PID1: variants seen among roughly 807,000 people sequenced by gnomAD.
PID1 encodes phosphotyrosine interaction domain containing 1.
PID1 carries 10 observed loss-of-function variants against 19.1 expected under a neutral mutation model. The ratio of observed to expected loss-of-function variants is 0.52; its 90% CI spans 0.32 to 0.89. The LOEUF is 0.89. Among genes scored for constraint, PID1 ranks in the 40% least tolerant of loss-of-function variants. The pLI, the probability that PID1 is intolerant of heterozygous loss-of-function variation, is 0.03. For missense variants in PID1, 248 were observed against 285.3 expected (o/e 0.87, Z 0.94); for synonymous variants, 130 against 116.0 (o/e 1.12, Z -0.78).
chr2:229,026,937 C>A (rs904632802), intron 2 of PID1, among the ~76,000 whole-genome samples: 2 of 152,076 alleles, frequency 1.3e-5, no homozygotes, highest in Non-Finnish European at 2.9e-5. Flanking sequence ...TTTATTCATT[C>A]CACAAAATGC....
chr2:229,199,174 C>A (rs578169378), intron 1 of PID1, among the ~76,000 whole-genome samples: 1 of 152,162 alleles, frequency 6.6e-6, no homozygotes, highest in South Asian at 2.1e-4. Flanking sequence ...ACCTCCTTAT[C>A]ATCATCCATA....
At chr2:229,082,427 G>A (rs1694686046) in intron 2 of PID1, among the ~76,000 whole-genome samples, 1 of 152,266 alleles carries the variant, frequency 6.6e-6, no homozygotes, top group Non-Finnish European at 1.5e-5. Context: ...GTGAAAGAGA[G>A]TTGCCAGTGT....
rs114801134 is a variant in PID1 at position 229,205,231 on chromosome 2, A to G, written c.31-49267T>C. On this transcript the variant is annotated intron_variant, in intron 1 of 2. Coordinates refer to ENST00000392055, the MANE Select transcript of PID1 (RefSeq NM_001100818.2). ...ACACATGCTACACACACACAATCAC[A>G]CATACATACTACATACACACACATA... Among the ~76,000 whole-genome samples, 560 of 150,104 alleles carry G rather than the reference A, an allele frequency of 3.7e-3. 5 individuals are homozygous for G. The highest frequency in any genetic ancestry group is 0.031 in the Middle Eastern group (9 of 290).
At chr2:229,135,677 C>G (rs955810593) in intron 2 of PID1, among the ~76,000 whole-genome samples, 2 of 152,108 alleles carry the variant, frequency 1.3e-5, no homozygotes, top group African/African-American at 4.8e-5. Context: ...TCCAAAACAG[C>G]GCTGGACTGA....
At chr2:229,211,330 T>G (rs1380542841) in intron 1 of PID1, among the ~76,000 whole-genome samples, 1 of 151,994 alleles carries the variant, frequency 6.6e-6, no homozygotes, top group Non-Finnish European at 1.5e-5. Flanking sequence ...CTTCACTTAC[T>G]TGTTCATTCA....
chr2:229,199,562 C>A (rs1691448102), intron 1 of PID1, among the ~76,000 whole-genome samples: 1 of 151,750 alleles, frequency 6.6e-6, no homozygotes. Flanking sequence ...TAAGAACACA[C>A]ATAAAATAAA....
intron 1 of PID1, among the ~76,000 whole-genome samples, chr2:229,162,371 AT>A (rs1690508471): frequency 6.6e-6 from 1 of 152,230 alleles, no homozygotes; most frequent in South Asian, 2.1e-4. Flanking sequence ...TTGATTTTGT[AT>A]CCAAAATATA....
intron 1 of PID1, among the ~76,000 whole-genome samples, chr2:229,173,351 T>C (rs1040346291): frequency 1.3e-5 from 2 of 152,158 alleles, no homozygotes; most frequent in African/African-American, 4.8e-5. Flanking sequence ...CTACTTTGTG[T>C]TTGGTCTGTT....
intron 1 of PID1, among the ~76,000 whole-genome samples, chr2:229,185,370 T>A (rs539765711): frequency 1.3e-5 from 2 of 152,082 alleles, no homozygotes; most frequent in African/African-American, 4.8e-5. Context: ...TGCACACTGA[T>A]CCCATCCCCT....
rs371185254 is a variant in PID1, at chr2:229,179,529, T to C, written c.31-23565A>G. 2.3e-4 allele frequency among the ~76,000 whole-genome samples: 35 copies of C among 152,302 alleles called. No homozygotes were observed. The South Asian group carries it at 5.4e-3, about 23-fold the overall frequency. ...TCAAAAGTAAGTTTTAAGTAAAAGA[T>C]GCCCTCAAATTTTCATACCATTTAA... On this transcript the variant is annotated intron_variant, in intron 1 of 2. Coordinates refer to ENST00000392055, the MANE Select transcript of PID1 (RefSeq NM_001100818.2).
intron 1 of PID1, among the ~76,000 whole-genome samples, chr2:229,198,629 G>C (rs1024675336): frequency 1.3e-5 from 2 of 151,998 alleles, no homozygotes; most frequent in African/African-American, 4.8e-5. Flanking sequence ...TCCCATCTCA[G>C]TAAATGGTAC....
chr2:229,242,745 G>T (rs1689902677), intron 1 of PID1, among the ~76,000 whole-genome samples: 1 of 152,040 alleles, frequency 6.6e-6, no homozygotes, highest in Non-Finnish European at 1.5e-5. Context: ...TGAGTCATTT[G>T]TTACCTATAA....
intron 1 of PID1, among the ~76,000 whole-genome samples, chr2:229,188,625 G>C (rs1002784976): frequency 6.6e-6 from 1 of 151,900 alleles, no homozygotes; most frequent in Non-Finnish European, 1.5e-5. Flanking sequence ...TGTAATCCCA[G>C]CTACTTGGGA....
At chr2:229,242,834 G>A (rs935469984) in intron 1 of PID1, among the ~76,000 whole-genome samples, 2 of 152,064 alleles carry the variant, frequency 1.3e-5, no homozygotes, top group Non-Finnish European at 2.9e-5. Context: ...CTATAGCCCA[G>A]TTGTGCTTCC....
chr2:229,237,398 C>A (rs546477375), intron 1 of PID1, among the ~76,000 whole-genome samples: 1 of 152,140 alleles, frequency 6.6e-6, no homozygotes, highest in Non-Finnish European at 1.5e-5. Flanking sequence ...GTCATTCAAG[C>A]GTATCCCCTA....
chr2:229,063,667 CT>C (rs1694260184), intron 2 of PID1, among the ~76,000 whole-genome samples: 1 of 152,038 alleles, frequency 6.6e-6, no homozygotes. Flanking sequence ...TTAAAATCCA[CT>C]GTTTCCCTGT....
At chr2:229,182,974 C>T (rs977390146) in intron 1 of PID1, among the ~76,000 whole-genome samples, 5 of 152,294 alleles carry the variant, frequency 3.3e-5, no homozygotes, top group South Asian at 2.1e-4. Flanking sequence ...CTTTGCTTCC[C>T]GCTATAGGTT....
At chr2:229,220,709 A>T (rs1305177425) in intron 1 of PID1, among the ~76,000 whole-genome samples, 1 of 152,204 alleles carries the variant, frequency 6.6e-6, no homozygotes, top group African/African-American at 2.4e-5. Flanking sequence ...CGTATCAAAT[A>T]GCACTCCACC....
intron 1 of PID1, among the ~76,000 whole-genome samples, chr2:229,209,178 T>C (rs1243729310): frequency 5.9e-5 from 9 of 152,230 alleles, no homozygotes; most frequent in Non-Finnish European, 4.4e-5. Context: ...TAAAATTCTA[T>C]AAGCACTGTG....
Sources: gnomAD v4.1 joint callset for allele counts (sites outside exome capture counted in the v4.1 genomes callset) on GRCh38, gnomAD v4.1.1 for gene constraint, MANE v1.5 for transcripts, NCBI Gene and HGNC (gene_info 2026-07-23, HGNC 2026-07-21) for gene names.